The following EARS2 variants were observed in gnomAD, a reference collection of about 807,000 sequenced individuals.
EARS2 encodes nondiscriminating glutamyl-tRNA synthetase EARS2, mitochondrial.
EARS2 carries 50 observed loss-of-function variants against 54.1 expected under a neutral mutation model. That is an observed-to-expected ratio of 0.92 (90% confidence interval 0.74 to 1.17). EARS2 has a LOEUF of 1.17. EARS2 is among the 50% of genes most tolerant of loss of function. EARS2 has a pLI of 0.00. For synonymous variants in EARS2, 298 were observed against 281.0 expected (o/e 1.06, Z -0.61); for missense variants, 673 against 675.0 (o/e 1.00, Z 0.03).
intron 8 of EARS2, 61 bp downstream of exon 8, chr16:23,525,183 G>C (rs746993976): frequency 1.2e-6 from 2 of 1,612,482 alleles, no homozygotes; most frequent in East Asian, 4.5e-5. Flanking sequence ...GCCAGGAAAT[G>C]TAAGTTCAAA....
intron 3 of EARS2, among the ~76,000 whole-genome samples, chr16:23,542,181 A>G (rs1965524233): frequency 1.3e-5 from 2 of 151,748 alleles, no homozygotes; most frequent in Non-Finnish European, 2.9e-5. Flanking sequence ...TTTAGTAAAG[A>G]TGGGGTTTCA....
At chr16:23,542,316 C>CTTTT (rs745418385) in intron 3 of EARS2, among the ~76,000 whole-genome samples, 3,248 of 93,620 alleles carry the variant, frequency 0.035, 254 homozygotes, top group Non-Finnish European at 0.049. Flanking sequence ...TTTCATTTTT[C>CTTTT]TTTTTTTTTT....
Position 23,521,526 on chromosome 16 carries a change from G to A in EARS2, c.*2845C>T, listed in dbSNP as rs1282362593. 2.0e-5 allele frequency among the ~76,000 whole-genome samples: 3 copies of A among 151,870 alleles called. No homozygotes were observed. Among genetic ancestry groups the A allele is most frequent in the South Asian group, 2.1e-4 (1 of 4,824 alleles). On this transcript the variant is annotated 3_prime_UTR_variant, in exon 9 of 9. Transcript: ENST00000449606. ...TGATCCTCCTACCTTAGTCTCCCAA[G>A]TAGCTGGGACTACAGGCATATGTCA...
chr16:23,545,032 G>C (rs1342314260), intron 2 of EARS2: 1 of 209,848 alleles, frequency 4.8e-6, no homozygotes. Flanking sequence ...AGTAGAGACA[G>C]CGTTTCACCA....
At chr16:23,531,051 G>C (rs1965318648) in intron 5 of EARS2, among the ~76,000 whole-genome samples, 1 of 147,800 alleles carries the variant, frequency 6.8e-6, no homozygotes, top group African/African-American at 2.6e-5. Flanking sequence ...GCCACGTCGG[G>C]CTGATTTTTT....
At chr16:23,550,368 T>C (rs535903614) in intron 2 of EARS2, among the ~76,000 whole-genome samples, 20 of 128,954 alleles carry the variant, frequency 1.6e-4, no homozygotes, top group African/African-American at 5.7e-4. Context: ...TTTTGTTTGT[T>C]AAAAAAAAAA....
intron 1 of EARS2, 55 bp downstream of exon 1, chr16:23,557,150 G>A: frequency 6.7e-7 from 1 of 1,496,918 alleles, no homozygotes; most frequent in Non-Finnish European, 8.8e-7. Flanking sequence ...AACATTCGTG[G>A]GGCGGAGACG....
At chr16:23,542,765 G>A (rs1221317682) in intron 3 of EARS2, among the ~76,000 whole-genome samples, 1 of 152,106 alleles carries the variant, frequency 6.6e-6, no homozygotes, top group East Asian at 1.9e-4. Context: ...AGTGTGGGCT[G>A]GGCCTAGTGA....
intron 1 of EARS2, 112 bp downstream of exon 1, chr16:23,557,093 C>G: frequency 7.0e-7 from 1 of 1,434,424 alleles, no homozygotes; most frequent in Non-Finnish European, 9.2e-7. Flanking sequence ...TGCCTTAACC[C>G]TCCTCCGCCC....
intron 1 of EARS2, 160 bp downstream of exon 1, chr16:23,557,045 T>C (rs761532159): frequency 1.8e-5 from 20 of 1,083,368 alleles, no homozygotes; most frequent in Non-Finnish European, 2.7e-6. Flanking sequence ...TTTCCGCTCC[T>C]GCACCTCAGT....
chr16:23,526,985 C>T (rs1017860749), intron 7 of EARS2, among the ~76,000 whole-genome samples: 16 of 151,892 alleles, frequency 1.1e-4, no homozygotes, highest in Non-Finnish European at 2.1e-4. Context: ...TTTTTTAAGA[C>T]AGGATCTTGC....
At chr16:23,552,080 G>A in intron 2 of EARS2, 69 bp downstream of exon 2, 2 of 1,560,788 alleles carry the variant, frequency 1.3e-6, no homozygotes, top group Non-Finnish European at 8.7e-7. Context: ...TCCATGAGAA[G>A]ACCCACAGGC....
At chr16:23,530,218 T>C (rs775301457) in intron 5 of EARS2, among the ~76,000 whole-genome samples, 10 of 151,990 alleles carry the variant, frequency 6.6e-5, no homozygotes, top group Non-Finnish European at 7.4e-5. Flanking sequence ...CTAGACCTCC[T>C]AGGCTCAAGC....
rs555522884 is a variant in EARS2, at chr16:23,533,661, G to A, written c.959-896C>T. Reference sequence around the variant, plus strand: ...CAAGACACGAGCTGCAGAACAGTACGCCCATTGCCTGGCTGTACCAGAGAC... The same window carrying A: ...CAAGACACGAGCTGCAGAACAGTACACCCATTGCCTGGCTGTACCAGAGAC... On this transcript the variant is annotated intron_variant, in intron 4 of 8. Transcript: ENST00000449606. Among the ~76,000 whole-genome samples the A allele has an allele frequency of 3.3e-5, 5 of 152,306 alleles. No homozygotes were observed. In the East Asian group the frequency reaches 5.8e-4, roughly 18 times the overall value.
chr16:23,553,080 A>G, intron 1 of EARS2: 1 of 399,446 alleles, frequency 2.5e-6, no homozygotes, highest in Non-Finnish European at 5.1e-6. Context: ...GCGAGCCATG[A>G]TCACGCCTCT....
At position 23,535,144 on chromosome 16, in the gene EARS2, C is replaced by A; in HGVS notation, c.702G>T (p.Val234=). ...GGCTGATGCCCATGTGGTGGTCGTC[C>A]ACCACGCAGGCCAGGTGGTATGTGG... ...GFPTYHLACV[V]DDHHMGISHV... Residue 234 remains valine, a synonymous_variant, in exon 4 of 9, where the codon GTG becomes GTT. Coordinates refer to ENST00000449606, the MANE Select transcript of EARS2 (RefSeq NM_001083614.2). 1 of 1,613,244 alleles carries A rather than the reference C, an allele frequency of 6.2e-7. No homozygotes were observed.
At chr16:23,525,083 A>G in intron 8 of EARS2, 161 bp downstream of exon 8, 1 of 850,242 alleles carries the variant, frequency 1.2e-6, no homozygotes, top group Non-Finnish European at 1.9e-6. Flanking sequence ...TGCACATAGT[A>G]GGTACTCAAT....
chr16:23,525,524 T>G, intron 7 of EARS2, 145 bp from the exon 8 acceptor site: 1 of 953,078 alleles, frequency 1.0e-6, no homozygotes, highest in Non-Finnish European at 1.5e-6. Flanking sequence ...GAGGAAGATA[T>G]TGACCACTTT....
Position 23,557,309 on chromosome 16 carries a change from TCG to T in EARS2, c.33_34del (p.Arg13AlafsTer19). On this transcript the variant is annotated frameshift_variant, in exon 1 of 9. Coordinates refer to ENST00000449606, the MANE Select transcript of EARS2 (RefSeq NM_001083614.2). LOFTEE classifies it high-confidence loss of function. ...GCGGCCAGAGGCCGCCGAAGGCCTC[TCG>T]CGCTGCAGCAGTCTCCTCAGGAGCG... 6.6e-7 allele frequency: 1 copy of T among 1,523,032 alleles called. No homozygotes were observed. The highest frequency in any genetic ancestry group is 1.4e-5 in the African/African-American group (1 of 72,406). 94.3% of individuals were successfully genotyped at this position (1,523,032 alleles called of 1,614,324 possible). A position where few individuals can be genotyped will look rare whatever the true frequency, so the allele number is the denominator to read the frequency against.
Sources: allele counts gnomAD v4.1 joint callset (sites outside exome capture counted in the v4.1 genomes callset), GRCh38; gene constraint gnomAD v4.1.1; transcripts MANE v1.5; gene names NCBI Gene and HGNC (gene_info 2026-07-23, HGNC 2026-07-21).